TMEM132C: variants seen among roughly 807,000 people sequenced by gnomAD.
TMEM132C encodes the protein transmembrane protein 132C.
Under a neutral mutation model 61.4 loss-of-function variants are expected in TMEM132C, and 29 were observed. That is an observed-to-expected ratio of 0.47 (90% CI 0.35 to 0.64). The LOEUF is 0.64. TMEM132C is among the 30% of genes least tolerant of loss of function. The pLI is 0.00. For missense variants in TMEM132C, 1,408 were observed against 1,476.9 expected, an observed-to-expected ratio of 0.95 and a Z score of 0.76; for synonymous variants, 656 against 633.1, an observed-to-expected ratio of 1.04 and a Z score of -0.54.
At chr12:128,420,980 A>G (rs1189415957) in intron 2 of TMEM132C, among the ~76,000 whole-genome samples, 1 of 152,224 alleles carries the variant, frequency 6.6e-6, no homozygotes, top group East Asian at 1.9e-4. Flanking sequence ...GTCTCGCTGA[A>G]GTTTGGGAAC....
intron 3 of TMEM132C, among the ~76,000 whole-genome samples, chr12:128,586,423 G>A (rs921486585): frequency 5.9e-5 from 9 of 151,290 alleles, no homozygotes; most frequent in South Asian, 4.2e-4. Flanking sequence ...CTATTTAGCC[G>A]TATATATTTA....
chr12:128,494,317 G>A (rs1050168640), intron 2 of TMEM132C, among the ~76,000 whole-genome samples: 76 of 151,972 alleles, frequency 5.0e-4, no homozygotes, highest in African/African-American at 1.7e-3. Flanking sequence ...TTCTCTTTTT[G>A]TTGTGTCTCT....
intron 4 of TMEM132C, among the ~76,000 whole-genome samples, chr12:128,629,295 G>A (rs1410685904): frequency 6.6e-6 from 1 of 152,098 alleles, no homozygotes; most frequent in Non-Finnish European, 1.5e-5. Context: ...TAGGAAGGTG[G>A]CTTGAGCCCA....
At chr12:128,334,883 A>ACCATGC (rs1388618264) in intron 1 of TMEM132C, among the ~76,000 whole-genome samples, 1 of 152,220 alleles carries the variant, frequency 6.6e-6, no homozygotes, top group Non-Finnish European at 1.5e-5. Flanking sequence ...GGCATGAGCC[A>ACCATGC]CCATGCCCAG....
At chr12:128,458,618 T>TG (rs1870429715) in intron 2 of TMEM132C, among the ~76,000 whole-genome samples, 1 of 152,058 alleles carries the variant, frequency 6.6e-6, no homozygotes, top group African/African-American at 2.4e-5. Flanking sequence ...GCTCATCCCT[T>TG]CACATAAAAG....
intron 8 of TMEM132C, among the ~76,000 whole-genome samples, chr12:128,701,405 A>G (rs534533497): frequency 1.3e-5 from 2 of 152,332 alleles, no homozygotes; most frequent in South Asian, 4.1e-4. Flanking sequence ...CACAAGTGAT[A>G]TGACCCAATC....
intron 1 of TMEM132C, among the ~76,000 whole-genome samples, chr12:128,292,071 A>C (rs1450027159): frequency 6.6e-6 from 1 of 152,106 alleles, no homozygotes; most frequent in African/African-American, 2.4e-5. Flanking sequence ...GTGTCTCACC[A>C]TCCGTCTCTG....
intron 1 of TMEM132C, among the ~76,000 whole-genome samples, chr12:128,277,445 G>A (rs929079957): frequency 1.3e-5 from 2 of 152,178 alleles, no homozygotes; most frequent in African/African-American, 2.4e-5. Flanking sequence ...CTTCTCACAC[G>A]GTTGTAGAAA....
At chr12:128,378,048 C>T (rs1033239609) in intron 1 of TMEM132C, among the ~76,000 whole-genome samples, 5 of 151,854 alleles carry the variant, frequency 3.3e-5, no homozygotes, top group South Asian at 2.1e-4. Context: ...GCCTCACCAG[C>T]GTGTTAGGGT....
At chr12:128,273,759 C>T (rs564492660) in intron 1 of TMEM132C, among the ~76,000 whole-genome samples, 1 of 152,126 alleles carries the variant, frequency 6.6e-6, no homozygotes, top group Non-Finnish European at 1.5e-5. Flanking sequence ...TCATTACTTG[C>T]ATTCAAATTA....
intron 8 of TMEM132C, among the ~76,000 whole-genome samples, chr12:128,703,898 A>G (rs1954819385): frequency 6.6e-6 from 1 of 152,168 alleles, no homozygotes; most frequent in Non-Finnish European, 1.5e-5. Context: ...AGGATTGCAC[A>G]TTTCACCCTC....
chr12:128,638,270 C>T (rs1449629028), intron 4 of TMEM132C, among the ~76,000 whole-genome samples: 1 of 152,198 alleles, frequency 6.6e-6, no homozygotes, highest in Non-Finnish European at 1.5e-5. Flanking sequence ...GAAAATCCCC[C>T]TTCCAGGCAA....
chr12:128,338,914 C>G (rs952132225), intron 1 of TMEM132C, among the ~76,000 whole-genome samples: 10 of 152,026 alleles, frequency 6.6e-5, no homozygotes, highest in Middle Eastern at 3.4e-3. Flanking sequence ...TTGGGTAATT[C>G]CCTCGATTTT....
At chr12:128,408,570 A>G (rs573041603) in intron 1 of TMEM132C, among the ~76,000 whole-genome samples, 25 of 152,328 alleles carry the variant, frequency 1.6e-4, no homozygotes, top group African/African-American at 5.8e-4. Flanking sequence ...GGTTTTTACA[A>G]AATATTACAA....
At chr12:128,619,128 T>A (rs1203174842) in intron 4 of TMEM132C, among the ~76,000 whole-genome samples, 4 of 152,168 alleles carry the variant, frequency 2.6e-5, no homozygotes, top group African/African-American at 9.7e-5. Flanking sequence ...ACAAAGCAAA[T>A]CCTGTGTTGT....
intron 2 of TMEM132C, among the ~76,000 whole-genome samples, chr12:128,483,022 T>C (rs1871362930): frequency 6.6e-6 from 1 of 151,608 alleles, no homozygotes; most frequent in South Asian, 2.1e-4. Context: ...GGCAGGAGGA[T>C]CGCTTGAGCC....
At chr12:128,314,319 G>A (rs563513094) in intron 1 of TMEM132C, among the ~76,000 whole-genome samples, 1 of 150,158 alleles carries the variant, frequency 6.7e-6, no homozygotes, top group African/African-American at 2.4e-5. Context: ...TCTTTAATTG[G>A]GGAAGGCATG....
intron 3 of TMEM132C, among the ~76,000 whole-genome samples, chr12:128,551,969 G>A (rs1306008389): frequency 1.3e-5 from 2 of 152,190 alleles, no homozygotes; most frequent in African/African-American, 2.4e-5. Context: ...CATTCCTTCA[G>A]GGAAAATGCT....
At chr12:128,373,652 A>G (rs1874095253) in intron 1 of TMEM132C, among the ~76,000 whole-genome samples, 3 of 152,206 alleles carry the variant, frequency 2.0e-5, no homozygotes, top group Admixed American at 2.0e-4. Flanking sequence ...TGGGTGATCC[A>G]GGAAGATCTC....
Sources: gnomAD v4.1 joint callset for allele counts (sites outside exome capture counted in the v4.1 genomes callset) on GRCh38, gnomAD v4.1.1 for gene constraint, MANE v1.5 for transcripts, NCBI Gene and HGNC (gene_info 2026-07-23, HGNC 2026-07-21) for gene names.